Variants in PTPRD observed in about 807,000 individuals in gnomAD.
PTPRD encodes receptor-type tyrosine-protein phosphatase delta.
A neutral mutation model predicts 214.5 loss-of-function variants in PTPRD; 34 were observed. That is an observed-to-expected ratio of 0.16 (90% CI 0.12 to 0.21). The LOEUF (loss-of-function observed/expected upper bound fraction) is 0.21. Among genes scored for constraint, PTPRD ranks in the 10% least tolerant of loss-of-function variants. The pLI, the probability that PTPRD is intolerant of heterozygous loss-of-function variation, is 1.00. For missense variants in PTPRD, 2,545 were observed against 2,398.7 expected, an observed-to-expected ratio of 1.06 and a Z score of -1.27; for synonymous variants, 1,128 against 845.7, an observed-to-expected ratio of 1.33 and a Z score of -5.79.
intron 9 of PTPRD, among the ~76,000 whole-genome samples, chr9:9,199,709 G>C (rs935743427): frequency 6.6e-6 from 1 of 151,932 alleles, no homozygotes; most frequent in Non-Finnish European, 1.5e-5. Context: ...AAATATACAA[G>C]TCAATTTCCT....
At chr9:9,053,073 C>A (rs891068100) in intron 10 of PTPRD, among the ~76,000 whole-genome samples, 3 of 152,054 alleles carry the variant, frequency 2.0e-5, no homozygotes, top group Non-Finnish European at 2.9e-5. Flanking sequence ...GAACAATAAG[C>A]TTTATATCTT....
At chr9:8,672,329 A>T (rs1274126220) in intron 12 of PTPRD, among the ~76,000 whole-genome samples, 1 of 152,204 alleles carries the variant, frequency 6.6e-6, no homozygotes, top group African/African-American at 2.4e-5. Flanking sequence ...CCAAATGCAA[A>T]TTAAAGGGAA....
intron 11 of PTPRD, among the ~76,000 whole-genome samples, chr9:8,914,407 G>A (rs1181795351): frequency 6.6e-6 from 1 of 151,996 alleles, no homozygotes; most frequent in Non-Finnish European, 1.5e-5. Flanking sequence ...AAAACTCCAG[G>A]TGGTCATAAA....
At chr9:10,183,368 A>G (rs1349783358) in intron 3 of PTPRD, among the ~76,000 whole-genome samples, 1 of 152,166 alleles carries the variant, frequency 6.6e-6, no homozygotes, top group East Asian at 1.9e-4. Context: ...ATTATGATCA[A>G]TTTATATTTA....
At chr9:8,453,795 G>T (rs1432472592) in intron 33 of PTPRD, among the ~76,000 whole-genome samples, 5 of 152,154 alleles carry the variant, frequency 3.3e-5, no homozygotes, top group African/African-American at 1.2e-4. Context: ...GTCCAAGGGT[G>T]TGTATTTCCG....
intron 14 of PTPRD, among the ~76,000 whole-genome samples, chr9:8,542,076 A>G (rs988171533): frequency 6.6e-6 from 1 of 152,188 alleles, no homozygotes; most frequent in Admixed American, 6.5e-5. Flanking sequence ...TCTTCAATAG[A>G]TTAAACACAG....
chr9:9,835,272 G>A (rs2056414816), intron 5 of PTPRD, among the ~76,000 whole-genome samples: 1 of 152,052 alleles, frequency 6.6e-6, no homozygotes, highest in African/African-American at 2.4e-5. Flanking sequence ...TCTGCCATGA[G>A]ATAACCATAC....
intron 7 of PTPRD, among the ~76,000 whole-genome samples, chr9:9,691,983 C>T (rs561409961): frequency 2.6e-4 from 39 of 152,026 alleles, no homozygotes; most frequent in African/African-American, 8.7e-4. Flanking sequence ...GAGATCTTTT[C>T]CTTTGGGATT....
chr9:9,307,715 T>A (rs1222982841), intron 9 of PTPRD, among the ~76,000 whole-genome samples: 1 of 152,196 alleles, frequency 6.6e-6, no homozygotes, highest in Non-Finnish European at 1.5e-5. Context: ...CTGAAAATCC[T>A]TCAGTAACTC....
intron 35 of PTPRD, among the ~76,000 whole-genome samples, chr9:8,434,995 T>C (rs1437418171): frequency 6.6e-6 from 1 of 152,200 alleles, no homozygotes. Context: ...TTGAAAATGT[T>C]CTCCTGAATG....
At chr9:9,137,693 T>G (rs1436719953) in intron 10 of PTPRD, among the ~76,000 whole-genome samples, 1 of 152,152 alleles carries the variant, frequency 6.6e-6, no homozygotes, top group Non-Finnish European at 1.5e-5. Context: ...AAATCAAAAT[T>G]AATCATTACT....
At chr9:9,218,844 C>A (rs1457189081) in intron 9 of PTPRD, among the ~76,000 whole-genome samples, 1 of 152,104 alleles carries the variant, frequency 6.6e-6, no homozygotes, top group African/African-American at 2.4e-5. Context: ...ACAATCACAC[C>A]CCACATTCTC....
At chr9:9,123,756 A>T (rs1460350643) in intron 10 of PTPRD, among the ~76,000 whole-genome samples, 1 of 152,224 alleles carries the variant, frequency 6.6e-6, no homozygotes, top group Non-Finnish European at 1.5e-5. Context: ...TGAAAGGAAG[A>T]CAACATTTGT....
At chr9:10,370,706 G>C (rs1026520587) in intron 2 of PTPRD, among the ~76,000 whole-genome samples, 9 of 151,878 alleles carry the variant, frequency 5.9e-5, no homozygotes, top group Non-Finnish European at 1.2e-4. Flanking sequence ...TAAGAAGCTA[G>C]AATTTTTTCT....
chr9:10,599,163 C>A (rs1433560883), intron 2 of PTPRD, among the ~76,000 whole-genome samples: 4 of 151,640 alleles, frequency 2.6e-5, no homozygotes, highest in Non-Finnish European at 5.9e-5. Flanking sequence ...AGATGAGGAC[C>A]ATTCCCTAGG....
chr9:10,533,493 G>T (rs912858168), intron 2 of PTPRD, among the ~76,000 whole-genome samples: 1 of 151,600 alleles, frequency 6.6e-6, no homozygotes, highest in East Asian at 1.9e-4. Flanking sequence ...AGTCTTTGCT[G>T]ATTTATTTCC....
At chr9:8,604,178 C>T (rs534587296) in intron 14 of PTPRD, among the ~76,000 whole-genome samples, 1 of 152,202 alleles carries the variant, frequency 6.6e-6, no homozygotes. Context: ...CCTCAAGATC[C>T]TCCCAGGAGA....
intron 8 of PTPRD, among the ~76,000 whole-genome samples, chr9:9,571,996 G>C (rs187205638): frequency 1.3e-5 from 2 of 151,094 alleles, no homozygotes; most frequent in African/African-American, 4.8e-5. Flanking sequence ...AGTAACAACA[G>C]ATAAGGCAAA....
intron 7 of PTPRD, among the ~76,000 whole-genome samples, chr9:9,697,450 A>G (rs949566034): frequency 6.6e-6 from 1 of 152,100 alleles, no homozygotes; most frequent in Admixed American, 6.6e-5. Flanking sequence ...TGTTGGGTAC[A>G]TAATTTTTGT....
Sources: allele counts gnomAD v4.1 joint callset (sites outside exome capture counted in the v4.1 genomes callset), GRCh38; gene constraint gnomAD v4.1.1; transcripts MANE v1.5; gene names NCBI Gene and HGNC (gene_info 2026-07-23, HGNC 2026-07-21).